Variants in CD96 observed in about 807,000 individuals in gnomAD.
CD96 encodes T-cell surface protein tactile.
Under a neutral mutation model 71.3 loss-of-function variants are expected in CD96, and 70 were observed. The observed-to-expected ratio is 0.98, with a 90% CI of 0.81 to 1.20. The LOEUF (loss-of-function observed/expected upper bound fraction) is 1.20, where lower values mean the gene tolerates loss of function less well. Among genes scored for constraint, CD96 ranks in the 50% most tolerant of loss-of-function variants. The probability of loss-of-function intolerance (pLI) is 0.00; values close to 1 mark genes in which losing one functional copy is unlikely to be tolerated. For synonymous variants in CD96, 248 were observed against 233.0 expected, an observed-to-expected ratio of 1.06 and a Z score of -0.59; for missense variants, 742 against 677.5, an observed-to-expected ratio of 1.10 and a Z score of -1.06.
chr3:111,566,271 G>A (rs1935707476), intron 2 of CD96, among the ~76,000 whole-genome samples: 1 of 151,874 alleles, frequency 6.6e-6, no homozygotes. Context: ...TTAAGTAGCT[G>A]AATGGTCAGA....
intron 4 of CD96, among the ~76,000 whole-genome samples, chr3:111,580,484 A>G (rs1379812289): frequency 6.6e-6 from 1 of 152,172 alleles, no homozygotes; most frequent in Non-Finnish European, 1.5e-5. Flanking sequence ...TGAAAATGAG[A>G]TAAACAAAGA....
chr3:111,659,216 T>G (rs1199545454), intron 14 of CD96, among the ~76,000 whole-genome samples: 1 of 152,172 alleles, frequency 6.6e-6, no homozygotes, highest in Non-Finnish European at 1.5e-5. Flanking sequence ...TTACGTGGGA[T>G]CAGTTGTAAT....
chr3:111,543,968 T>C (rs755664430), intron 1 of CD96, among the ~76,000 whole-genome samples: 5 of 152,208 alleles, frequency 3.3e-5, no homozygotes, highest in Non-Finnish European at 7.3e-5. Context: ...ATTTTGGGCA[T>C]GAGTCTGCTG....
intron 8 of CD96, among the ~76,000 whole-genome samples, chr3:111,607,991 C>T (rs1937707011): frequency 6.6e-6 from 1 of 151,650 alleles, no homozygotes; most frequent in Non-Finnish European, 1.5e-5. Flanking sequence ...TTAAAAATGC[C>T]CCAAATTTTA....
chr3:111,606,722 C>CT lies in CD96; in HGVS notation c.1110_1111insT (p.Pro371SerfsTer11). 1 of 1,592,166 alleles carries CT rather than the reference C, an allele frequency of 6.3e-7. No homozygotes were observed. The highest frequency in any genetic ancestry group is 1.1e-5 in the South Asian group (1 of 90,584). On this transcript the variant is annotated frameshift_variant, in exon 8 of 14. Coordinates refer to ENST00000352690, the MANE Select transcript of CD96 (RefSeq NM_005816.5). LOFTEE classifies it high-confidence loss of function. Reference sequence around the variant, plus strand: ...AAGGTTCTGAAATTTCCTCAACAGACCCTCCACTGAGTGTTACAGAATCTA... The same window carrying CT: ...AAGGTTCTGAAATTTCCTCAACAGACTCCTCCACTGAGTGTTACAGAATCTA...
chr3:111,624,187 G>A lies in CD96; in HGVS notation c.1250-146G>A, dbSNP rs145811431. 1,694 of 695,750 alleles carry A rather than the reference G, an allele frequency of 2.4e-3. 24 individuals are homozygous for A. In the African/African-American group the frequency reaches 0.026, roughly 11 times the overall value. The allele number at this position is 695,750 out of a possible 1,614,324, so 43.1% of individuals were successfully genotyped here. The stretch of plus-strand genomic sequence containing the variant: ...AAACTACAGAGCTTTTGCTTAATAT[G>A]CCAGCTAGTGTTCCTGCATAGGGAA... On this transcript the variant is annotated intron_variant, in intron 9 of 13. Coordinates refer to ENST00000352690, the MANE Select transcript of CD96 (RefSeq NM_005816.5).
At position 111,638,138 on chromosome 3, in the gene CD96, T is replaced by A; in HGVS notation, c.1447T>A (p.Ser483Thr). 1.9e-6 allele frequency: 3 copies of A among 1,610,444 alleles called. No homozygotes were observed. The highest frequency in any genetic ancestry group is 2.5e-6 in the Non-Finnish European group (3 of 1,176,696). Residue 483 changes from serine (S) to threonine (T), a missense_variant, in exon 12 of 14, where the codon TCT (serine) becomes ACT (threonine). Transcript: ENST00000352690. ...FSEVPTTANG[S>T]TKTNHVHITG... is the part of the protein sequence containing the mutation. ...AGAAGTCCCCACAACTGCCAATGGA[T>A]CTACGAAAACTAATCACGTCCATAT...
chr3:111,543,256 T>C (rs964498522), intron 1 of CD96, among the ~76,000 whole-genome samples: 1 of 152,210 alleles, frequency 6.6e-6, no homozygotes, highest in Admixed American at 6.5e-5. Flanking sequence ...CAATAATATA[T>C]ATCATTTCTG....
chr3:111,567,623 T>G lies in CD96; in HGVS notation c.519T>G (p.Ser173=). The G allele has an allele frequency of 6.2e-7, 1 of 1,613,310 alleles. No homozygotes were observed. Among genetic ancestry groups the G allele is most frequent in the Non-Finnish European group, 8.5e-7 (1 of 1,179,230 alleles). ...CFQNSSSKIS[S]EFTYAWSVED... is the part of the protein sequence containing the mutation. ...AAAATAGCTCCTCAAAAATTTCATC[T>G]GAGTTCACCTATGCATGGTCGGTGG... The change falls in exon 3 of 14, where the codon TCT becomes TCG. Residue 173 remains serine, a synonymous_variant. Coordinates refer to ENST00000352690, the MANE Select transcript of CD96 (RefSeq NM_005816.5).
Position 111,591,609 on chromosome 3 carries a change from C to G in CD96, c.807+6231C>G, listed in dbSNP as rs145840675. Reference sequence around the variant, plus strand: ...ACAGCCTCCTTTTTTTTCCTAGCATCTTTTGCAACATAATAAGGTTCTGAG... The same window carrying G: ...ACAGCCTCCTTTTTTTTCCTAGCATGTTTTGCAACATAATAAGGTTCTGAG... On this transcript the variant is annotated intron_variant, in intron 5 of 13. Transcript: ENST00000352690. 7.1e-4 allele frequency among the ~76,000 whole-genome samples: 108 copies of G among 152,088 alleles called. 1 individual carries two copies. In the East Asian group the frequency reaches 0.019, roughly 27 times the overall value.
At chr3:111,589,532 T>C (rs1483844120) in intron 5 of CD96, among the ~76,000 whole-genome samples, 5 of 152,254 alleles carry the variant, frequency 3.3e-5, no homozygotes, top group Admixed American at 1.3e-4. Context: ...ATGGATCTTT[T>C]CAGATCTTGC....
chr3:111,593,457 C>T, intron 5 of CD96: 3 of 1,458,506 alleles, frequency 2.1e-6, no homozygotes, highest in Non-Finnish European at 1.8e-6. Context: ...CACCAAACTA[C>T]TTTGCTTTAC....
intron 7 of CD96, among the ~76,000 whole-genome samples, chr3:111,604,731 A>G (rs1937576580): frequency 6.6e-6 from 1 of 152,250 alleles, no homozygotes; most frequent in South Asian, 2.1e-4. Context: ...ATAACGCACC[A>G]ATATCTTCTG....
chr3:111,624,477 T>C (rs1405628609), intron 10 of CD96, 73 bp downstream of exon 10: 1 of 849,850 alleles, frequency 1.2e-6, no homozygotes, highest in Non-Finnish European at 2.1e-6. Context: ...TTGAACGACA[T>C]CTATGTGCTT....
chr3:111,587,357 G>GT (rs1936762238), intron 5 of CD96, among the ~76,000 whole-genome samples: 3 of 152,108 alleles, frequency 2.0e-5, no homozygotes, highest in Non-Finnish European at 4.4e-5. Context: ...TCTGAAGGAT[G>GT]GTAGTCCTCT....
Position 111,579,028 on chromosome 3 carries a change from A to C in CD96, c.545A>C (p.Glu182Ala). ...SSEFTYAWSV[E>A]DNGTQETLIS... ...ACTGGTAACAATTTTTCTCACCAGG[A>C]GGATAATGGAACTCAGGAAACACTT... is the stretch of plus-strand genomic sequence containing the variant. The change falls in exon 4 of 14, where the codon GAG becomes GCG. Residue 182 changes from glutamate to alanine, a missense_variant and splice_region_variant. Coordinates refer to ENST00000352690, the MANE Select transcript of CD96 (RefSeq NM_005816.5). The C allele has an allele frequency of 1.3e-6, 2 of 1,567,278 alleles. No individual in the cohort carries two copies. The highest frequency in any genetic ancestry group is 1.8e-6 in the Non-Finnish European group (2 of 1,137,436).
chr3:111,649,573 T>C, intron 13 of CD96, 125 bp from the exon 14 acceptor site: 1 of 720,922 alleles, frequency 1.4e-6, no homozygotes, highest in Non-Finnish European at 2.6e-6. Flanking sequence ...CTGAAAGAAC[T>C]GGGAGAGTAT....
At chr3:111,630,744 A>G (rs558261571) in intron 10 of CD96, among the ~76,000 whole-genome samples, 40 of 152,236 alleles carry the variant, frequency 2.6e-4, no homozygotes, top group Non-Finnish European at 3.8e-4. Flanking sequence ...ATGAACATCA[A>G]TGCAAAAATC....
intron 2 of CD96, among the ~76,000 whole-genome samples, chr3:111,562,254 G>C (rs538729718): frequency 2.0e-5 from 3 of 152,160 alleles, no homozygotes; most frequent in Non-Finnish European, 4.4e-5. Flanking sequence ...CTTCTTTGAA[G>C]TCTCTTAAAT....
Sources: allele counts gnomAD v4.1 joint callset (sites outside exome capture counted in the v4.1 genomes callset), GRCh38; gene constraint gnomAD v4.1.1; transcripts MANE v1.5; gene names NCBI Gene and HGNC (gene_info 2026-07-23, HGNC 2026-07-21).